The following ME1 variants were observed in gnomAD, a reference collection of about 807,000 sequenced individuals.
ME1 encodes the protein malic enzyme 1.
Under a neutral mutation model 66.4 loss-of-function variants are expected in ME1, and 74 were observed. That is an observed-to-expected ratio of 1.11 (90% confidence interval 0.92 to 1.35). The LOEUF is 1.35. Ranked by LOEUF, ME1 falls within the 40% of genes most tolerant of loss-of-function variation. The pLI is 0.00. For missense variants in ME1, 750 were observed against 694.1 expected (o/e 1.08, Z -0.90); for synonymous variants, 251 against 235.6 (o/e 1.07, Z -0.60).
chr6:83,422,949 T>G (rs557140222), intron 1 of ME1, among the ~76,000 whole-genome samples: 7 of 151,830 alleles, frequency 4.6e-5, no homozygotes, highest in Admixed American at 3.3e-4. Context: ...TTGGAGAAAA[T>G]AATGGCTGAA....
At position 83,367,467 on chromosome 6, in the gene ME1, C is replaced by T. The variant is rs927994134; in HGVS notation, c.363-15328G>A. On this transcript the variant is annotated intron_variant, in intron 3 of 13. Coordinates refer to ENST00000369705, the MANE Select transcript of ME1 (RefSeq NM_002395.6). ...GGCATCTTCTTCCAATAGAAGGCTG[C>T]GGTGTCTCCATTGAAAATCTGTTGT... Among the ~76,000 whole-genome samples the T allele has an allele frequency of 5.9e-5, 9 of 152,300 alleles. No individual in the cohort carries two copies. In the South Asian group the frequency reaches 6.2e-4, roughly 11 times the overall value.
At chr6:83,379,771 A>C (rs536954588) in intron 3 of ME1, among the ~76,000 whole-genome samples, 1 of 152,072 alleles carries the variant, frequency 6.6e-6, no homozygotes, top group South Asian at 2.1e-4. Context: ...GTTTCAAACT[A>C]AGTTTCAATA....
intron 5 of ME1, among the ~76,000 whole-genome samples, chr6:83,333,831 C>G (rs1047201513): frequency 3.9e-5 from 6 of 152,102 alleles, no homozygotes; most frequent in African/African-American, 9.7e-5. Context: ...ATACAACACA[C>G]CTTGATCAGT....
chr6:83,237,850 A>C lies in ME1; in HGVS notation c.913-20T>G, dbSNP rs748764198. The C allele has an allele frequency of 4.3e-6, 6 of 1,402,970 alleles. No homozygotes were observed. The Admixed American group carries it at 6.0e-5, about 14-fold the overall frequency. The allele number at this position is 1,402,970 out of a possible 1,614,324, so 86.9% of individuals were successfully genotyped here. On this transcript the variant is annotated intron_variant, in intron 8 of 13. Transcript: ENST00000369705. ...GGCAGCCTCAGTGATGAAAAGAAAA[A>C]ATTTTAAAGTTGTTCTACATGATAT...
chr6:83,305,774 C>T (rs1378977748), intron 6 of ME1, among the ~76,000 whole-genome samples: 3 of 152,114 alleles, frequency 2.0e-5, no homozygotes, highest in Admixed American at 6.6e-5. Flanking sequence ...CAATTTCCTA[C>T]AGAACCAAAA....
intron 3 of ME1, among the ~76,000 whole-genome samples, chr6:83,357,935 C>CTCTCTCTATATATATATATA (rs1447805761): frequency 3.3e-5 from 1 of 30,040 alleles, no homozygotes; most frequent in Non-Finnish European, 5.9e-5. Context: ...CTCTCTCTCT[C>CTCTCTCTATATATATATATA]TATATATATA....
intron 11 of ME1, among the ~76,000 whole-genome samples, chr6:83,225,926 T>C (rs1370601147): frequency 1.3e-5 from 2 of 151,586 alleles, no homozygotes; most frequent in Non-Finnish European, 2.9e-5. Context: ...GACAGTACTG[T>C]AGCTAGCTAA....
chr6:83,428,735 C>A (rs2127698857), intron 1 of ME1, among the ~76,000 whole-genome samples: 1 of 152,254 alleles, frequency 6.6e-6, no homozygotes, highest in Admixed American at 6.5e-5. Flanking sequence ...CATCCTAGAA[C>A]TGAGTAAAAG....
At chr6:83,309,625 A>G (rs1488609014) in intron 6 of ME1, among the ~76,000 whole-genome samples, 1 of 152,116 alleles carries the variant, frequency 6.6e-6, no homozygotes, top group African/African-American at 2.4e-5. Context: ...GAGTTTTACC[A>G]CGTGATTCTG....
chr6:83,324,926 C>T (rs1409907697), intron 5 of ME1, among the ~76,000 whole-genome samples: 2 of 152,030 alleles, frequency 1.3e-5, no homozygotes, highest in African/African-American at 2.4e-5. Context: ...AAGAAAATTT[C>T]AGGCCAATAT....
At chr6:83,430,800 G>T in intron 1 of ME1, 77 bp downstream of exon 1, 1 of 1,288,280 alleles carries the variant, frequency 7.8e-7, no homozygotes, top group Non-Finnish European at 1.1e-6. Context: ...GCGAGGCCAT[G>T]GTGCGGGGAC....
chr6:83,330,512 TTCTTAAC>T (rs1171885937), intron 5 of ME1, among the ~76,000 whole-genome samples: 4 of 152,212 alleles, frequency 2.6e-5, no homozygotes, highest in African/African-American at 9.6e-5. Flanking sequence ...AAATTCTGCA[TTCTTAAC>T]ACATGCCCCT....
chr6:83,212,007 T>C lies in ME1; in HGVS notation c.1636A>G (p.Ser546Gly). ...KEAFVRSQMY[S>G]TDYDQILPDC... ...GGTAGAATCTGGTCATAATCAGTAC[T>C]ATACATCTGGGAGCGGACAAATGCT... Residue 546 changes from serine to glycine, a missense_variant, in exon 14 of 14, where the codon AGT becomes GGT. Coordinates refer to ENST00000369705, the MANE Select transcript of ME1 (RefSeq NM_002395.6). The C allele has an allele frequency of 6.2e-7, 1 of 1,613,290 alleles. No individual in the cohort carries two copies. The highest frequency in any genetic ancestry group is 1.1e-5 in the South Asian group (1 of 91,010).
intron 6 of ME1, among the ~76,000 whole-genome samples, chr6:83,312,177 G>A (rs1028792533): frequency 2.0e-4 from 30 of 152,176 alleles, no homozygotes; most frequent in Non-Finnish European, 7.3e-5. Flanking sequence ...CACTGGAGAA[G>A]GACTATTCAA....
At chr6:83,389,158 G>A (rs972231730) in intron 3 of ME1, among the ~76,000 whole-genome samples, 6 of 152,042 alleles carry the variant, frequency 3.9e-5, no homozygotes, top group Non-Finnish European at 8.8e-5. Flanking sequence ...TGTCCTCACA[G>A]TCTGATTCCT....
intron 3 of ME1, among the ~76,000 whole-genome samples, chr6:83,356,646 A>G (rs1303108467): frequency 1.3e-5 from 2 of 152,194 alleles, no homozygotes; most frequent in South Asian, 2.1e-4. Context: ...TCTGAAGCCA[A>G]AGGAAGTCAA....
chr6:83,392,849 G>A (rs902666862), intron 3 of ME1: 17 of 765,874 alleles, frequency 2.2e-5, no homozygotes, highest in African/African-American at 2.2e-4. Context: ...AACAGCTCAA[G>A]ATTATCAGCA....
intron 7 of ME1, among the ~76,000 whole-genome samples, chr6:83,242,051 C>G (rs1480366356): frequency 6.6e-6 from 1 of 152,058 alleles, no homozygotes; most frequent in African/African-American, 2.4e-5. Context: ...TTAGTAGAGA[C>G]AGCGTTTTGC....
At chr6:83,224,268 A>C (rs1052100919) in intron 11 of ME1, among the ~76,000 whole-genome samples, 26 of 152,330 alleles carry the variant, frequency 1.7e-4, no homozygotes, top group Admixed American at 1.2e-3. Context: ...AGACATCTGA[A>C]GATAAAAAAT....
Sources: gnomAD v4.1 joint callset for allele counts (sites outside exome capture counted in the v4.1 genomes callset) on GRCh38, gnomAD v4.1.1 for gene constraint, MANE v1.5 for transcripts, NCBI Gene and HGNC (gene_info 2026-07-23, HGNC 2026-07-21) for gene names.